The following GNL3L variants were observed in gnomAD, a reference collection of about 807,000 sequenced individuals.
GNL3L encodes the protein guanine nucleotide-binding protein-like 3-like protein.
GNL3L carries 4 observed loss-of-function variants against 42.9 expected under a neutral mutation model. The observed-to-expected ratio is 0.09, with a 90% CI of 0.05 to 0.21. The LOEUF (loss-of-function observed/expected upper bound fraction) is 0.21, where lower values mean the gene tolerates loss of function less well. Among genes scored for constraint, GNL3L ranks in the 10% least tolerant of loss-of-function variants. The probability of loss-of-function intolerance (pLI) is 1.00; values close to 1 mark genes in which losing one functional copy is unlikely to be tolerated. For synonymous variants in GNL3L, 159 were observed against 176.3 expected (o/e 0.90, Z 0.78); for missense variants, 412 against 481.7 (o/e 0.86, Z 1.36).
At chrX:54,572,749 C>T (rs1195755840) in intron 16 of GNL3L, among the ~76,000 whole-genome samples, 89 of 110,555 alleles carry the variant, frequency 8.1e-4, no homozygotes, top group African/African-American at 2.9e-3. Flanking sequence ...ACTTCCCAGA[C>T]GGGGTGGCTG....
In GNL3L at chrX:54,561,587, G is replaced by A. The variant is rs1157832548; in HGVS notation, c.*985G>A. 2.7e-5 allele frequency among the ~76,000 whole-genome samples: 3 copies of A among 112,013 alleles called. No individual in the cohort carries two copies. Among genetic ancestry groups the A allele is most frequent in the Admixed American group, 1.9e-4 (2 of 10,585 alleles). ...TAGGGAGGCTTTAGGGGGAAGCCCCGTCTTGGGGGCATTTCTGGGCAGATT... is the reference window on the plus strand; with the variant it reads ...TAGGGAGGCTTTAGGGGGAAGCCCCATCTTGGGGGCATTTCTGGGCAGATT... On this transcript the variant is annotated 3_prime_UTR_variant, in exon 16 of 16. Transcript: ENST00000360845.
chrX:54,535,084 C>T (rs1004725435), intron 2 of GNL3L, among the ~76,000 whole-genome samples: 4 of 111,729 alleles, frequency 3.6e-5, no homozygotes, highest in East Asian at 2.8e-4. Context: ...TGTTATGAGA[C>T]GTTTATGTCT....
intron 16 of GNL3L, among the ~76,000 whole-genome samples, chrX:54,597,414 A>G (rs1291751082): frequency 9.0e-6 from 1 of 110,861 alleles, no homozygotes; most frequent in Non-Finnish European, 1.9e-5. Context: ...GGTTTCCAAG[A>G]TGCAAAGTAA....
chrX:54,541,467 G>A (rs1924614738), intron 5 of GNL3L, 78 bp downstream of exon 5: 2 of 571,390 alleles, frequency 3.5e-6, no homozygotes, highest in African/African-American at 2.3e-5. Context: ...GGAAGAAGGT[G>A]TGAAGTTGTT....
chrX:54,581,881 G>A (rs1481046846), intron 16 of GNL3L, among the ~76,000 whole-genome samples: 2 of 111,354 alleles, frequency 1.8e-5, no homozygotes, highest in East Asian at 5.6e-4. Flanking sequence ...ATTTTTTTTG[G>A]TGCAGATTTT....
chrX:54,558,431 C>G lies in GNL3L; in HGVS notation c.1447-5C>G, dbSNP rs764518958. ...CTCATCGTTATGTTTTCTGTCTCTT[C>G]CTAGATTGGAGATCTCACTGGGTAT... On this transcript the variant is annotated splice_polypyrimidine_tract_variant and splice_region_variant and intron_variant, in intron 14 of 15. Coordinates refer to ENST00000360845, the MANE Select transcript of GNL3L (RefSeq NM_001184819.2). 2.6e-6 allele frequency: 3 copies of G among 1,164,187 alleles called. No individual in the cohort carries two copies. In the Admixed American group the frequency reaches 6.5e-5, roughly 25 times the overall value.
In GNL3L at chrX:54,572,761, C is replaced by T. The variant is rs372490138; in HGVS notation, c.*45+12114C>T. Among the ~76,000 whole-genome samples, 64 of 109,899 alleles carry T rather than the reference C, an allele frequency of 5.8e-4. 1 individual carries two copies. In the East Asian group the frequency reaches 7.7e-3, roughly 13 times the overall value. The stretch of plus-strand genomic sequence containing the variant: ...CTCACTTCCCAGACGGGGTGGCTGC[C>T]GGGCGGAGAGGCTCCTCACTTCTCA... On this transcript the variant is annotated intron_variant, in intron 16 of 16. Coordinates refer to the GNL3L transcript ENST00000674498.
At chrX:54,532,831 G>A (rs1353508927) in intron 2 of GNL3L, among the ~76,000 whole-genome samples, 2 of 110,767 alleles carry the variant, frequency 1.8e-5, no homozygotes, top group African/African-American at 6.6e-5. Flanking sequence ...GCTACTTTTT[G>A]TATTTTTAGT....
intron 1 of GNL3L, 48 bp downstream of exon 1, chrX:54,530,467 A>C (rs1264487549): frequency 9.0e-6 from 1 of 111,684 alleles, no homozygotes; most frequent in Non-Finnish European, 1.9e-5. Flanking sequence ...GAAGAGGGGC[A>C]GGGATCGCGG....
chrX:54,594,353 T>C (rs1436983377), intron 16 of GNL3L, among the ~76,000 whole-genome samples: 2 of 111,612 alleles, frequency 1.8e-5, no homozygotes, highest in Admixed American at 1.9e-4. Context: ...TATCATTACA[T>C]AGTGACCTTC....
the GNL3L span, among the ~76,000 whole-genome samples, chrX:54,630,701 T>TTCCTTCCTTCCTTCCTTCCTTCCTTC: frequency 1.9e-4 from 4 of 20,656 alleles, no homozygotes; most frequent in African/African-American, 4.5e-4. Flanking sequence ...TTCCTTCCTT[T>TTCCTTCCTTCCTTCCTTCCTTCCTTC]CTTTCTTTTT....
intron 13 of GNL3L, among the ~76,000 whole-genome samples, chrX:54,554,026 C>T (rs1383039793): frequency 3.6e-5 from 4 of 111,315 alleles, no homozygotes; most frequent in Non-Finnish European, 7.5e-5. Flanking sequence ...GTGAAGGTTT[C>T]CTGGAGGACT....
chrX:54,611,038 T>C (rs1926156562), intron 16 of GNL3L, among the ~76,000 whole-genome samples: 1 of 111,402 alleles, frequency 9.0e-6, no homozygotes, highest in Admixed American at 9.6e-5. Flanking sequence ...GTTATTGGTC[T>C]GTTCAGGGTA....
In GNL3L at chrX:54,542,986, C is replaced by T. The variant is rs1424033448; in HGVS notation, c.338C>T (p.Pro113Leu). 2 of 1,195,646 alleles carry T rather than the reference C, an allele frequency of 1.7e-6. No homozygotes were observed. Among genetic ancestry groups the T allele is most frequent in the South Asian group, 3.5e-5 (2 of 56,562 alleles). Residue 113 changes from proline to leucine, a missense_variant, in exon 6 of 16, where the codon CCT becomes CTT. Pro to Leu is a moderately conservative substitution (Grantham distance 98). Transcript: ENST00000360845. ...GTTTTGCAGGAATTAAATATGTTTCCTCAGCTGGATGACGAGGCCACGAGG... is the reference window on the plus strand; with the variant it reads ...GTTTTGCAGGAATTAAATATGTTTCTTCAGCTGGATGACGAGGCCACGAGG... Reference protein sequence around the residue: ...EEVLQELNMFPQLDDEATRKA... With the variant: ...EEVLQELNMFLQLDDEATRKA...
At chrX:54,559,247 C>T (rs1043936058) in intron 15 of GNL3L, among the ~76,000 whole-genome samples, 1 of 111,448 alleles carries the variant, frequency 9.0e-6, no homozygotes, top group African/African-American at 3.3e-5. Context: ...AACCACTGGC[C>T]TGCCTAGTCT....
the GNL3L span, among the ~76,000 whole-genome samples, chrX:54,641,303 C>T: frequency 9.0e-6 from 1 of 110,889 alleles, no homozygotes; most frequent in South Asian, 4.0e-4. Flanking sequence ...CCTAGAAGGC[C>T]ATAAAAGTCT....
intron 9 of GNL3L, among the ~76,000 whole-genome samples, chrX:54,550,341 A>G (rs182371594): frequency 1.8e-5 from 2 of 110,596 alleles, no homozygotes; most frequent in African/African-American, 6.6e-5. Context: ...AGGTATACTT[A>G]GACATATACC....
intron 14 of GNL3L, among the ~76,000 whole-genome samples, chrX:54,555,661 T>C (rs954305730): frequency 2.6e-4 from 24 of 93,653 alleles, no homozygotes; most frequent in Non-Finnish European, 5.1e-4. Flanking sequence ...TTTTTTTTTT[T>C]GTAGAGATGG....
chrX:54,636,557 A>T, the GNL3L span, among the ~76,000 whole-genome samples: 1 of 109,073 alleles, frequency 9.2e-6, no homozygotes, highest in Non-Finnish European at 1.9e-5. Flanking sequence ...CCCAGTGTCT[A>T]TTGTTCCCAT....
Sources: allele counts gnomAD v4.1 joint callset (sites outside exome capture counted in the v4.1 genomes callset), GRCh38; gene constraint gnomAD v4.1.1; transcripts MANE v1.5; gene names NCBI Gene and HGNC (gene_info 2026-07-23, HGNC 2026-07-21).